Variants in TGFB2 observed in about 807,000 individuals in gnomAD.
The protein encoded by TGFB2 is transforming growth factor beta 2, also known as transforming growth factor beta-2 proprotein.
TGFB2 carries 13 observed loss-of-function variants against 42.7 expected under a neutral mutation model. The ratio of observed to expected loss-of-function variants is 0.30; its 90% CI spans 0.20 to 0.48. The LOEUF is 0.48. Ranked by LOEUF, TGFB2 falls within the 20% of genes least tolerant of loss-of-function variation. TGFB2 has a pLI of 0.99. For synonymous variants in TGFB2, 193 were observed against 193.6 expected, an observed-to-expected ratio of 1.00 and a Z score of 0.03; for missense variants, 390 against 517.5, an observed-to-expected ratio of 0.75 and a Z score of 2.39.
At chr1:218,396,508 C>CA (rs1407359608) in intron 1 of TGFB2, among the ~76,000 whole-genome samples, 1 of 151,698 alleles carries the variant, frequency 6.6e-6, no homozygotes, top group East Asian at 1.9e-4. Context: ...TGTGATCTCT[C>CA]ACAACCTTGA....
chr1:218,356,565 T>C (rs1003634430), intron 1 of TGFB2, among the ~76,000 whole-genome samples: 5 of 152,236 alleles, frequency 3.3e-5, no homozygotes, highest in Admixed American at 2.0e-4. Context: ...AAGGTTCATA[T>C]GTGTCACATA....
chr1:218,361,248 T>G (rs1657201037), intron 1 of TGFB2, among the ~76,000 whole-genome samples: 1 of 152,212 alleles, frequency 6.6e-6, no homozygotes, highest in African/African-American at 2.4e-5. Context: ...TCTTAACTTC[T>G]AAGGCATTGG....
intron 6 of TGFB2, among the ~76,000 whole-genome samples, chr1:218,438,936 G>A (rs367955348): frequency 1.6e-4 from 25 of 151,964 alleles, no homozygotes; most frequent in Admixed American, 3.9e-4. Flanking sequence ...ATGAAACCCC[G>A]TCTCTACTAA....
At chr1:218,350,364 T>C (rs1388753164) in intron 1 of TGFB2, among the ~76,000 whole-genome samples, 2 of 152,128 alleles carry the variant, frequency 1.3e-5, no homozygotes, top group African/African-American at 4.8e-5. Flanking sequence ...TGGGTTGTCA[T>C]GACTGGAGGT....
intron 1 of TGFB2, among the ~76,000 whole-genome samples, chr1:218,353,836 G>A (rs1656946706): frequency 6.6e-6 from 1 of 152,174 alleles, no homozygotes; most frequent in Admixed American, 6.5e-5. Flanking sequence ...GCTGCAGTGA[G>A]CTATGACTGC....
intron 1 of TGFB2, among the ~76,000 whole-genome samples, chr1:218,388,099 A>G (rs1414345267): frequency 6.6e-6 from 1 of 152,240 alleles, no homozygotes; most frequent in Non-Finnish European, 1.5e-5. Flanking sequence ...GGCATAGTAT[A>G]TAATTAGAGT....
intron 1 of TGFB2, among the ~76,000 whole-genome samples, chr1:218,348,994 C>G (rs902626058): frequency 6.6e-6 from 1 of 152,136 alleles, no homozygotes; most frequent in Non-Finnish European, 1.5e-5. Flanking sequence ...GATGATCCAA[C>G]CCAGGGTCAT....
Position 218,437,206 on chromosome 1 carries a change from C to A in TGFB2, c.933-137C>A. On this transcript the variant is annotated intron_variant, in intron 5 of 6. Transcript: ENST00000366930. ...TTACAATAAAGCCATTAAAACCTGG[C>A]CCATGATATTTGCTCATTAGATGTT... is the stretch of plus-strand genomic sequence containing the variant. 3 of 861,724 alleles carry A rather than the reference C, an allele frequency of 3.5e-6. No individual in the cohort carries two copies. The South Asian group carries it at 5.7e-5, about 16-fold the overall frequency. 53.4% of individuals were successfully genotyped at this position (861,724 alleles called of 1,614,324 possible).
At chr1:218,429,868 C>A (rs915447522) in intron 2 of TGFB2, among the ~76,000 whole-genome samples, 1 of 152,046 alleles carries the variant, frequency 6.6e-6, no homozygotes, top group African/African-American at 2.4e-5. Flanking sequence ...AAATGTATAT[C>A]ATTTCATGCT....
chr1:218,416,728 C>G (rs575837656), intron 2 of TGFB2, among the ~76,000 whole-genome samples: 2 of 152,276 alleles, frequency 1.3e-5, no homozygotes, highest in Admixed American at 1.3e-4. Context: ...TTGGCTGTGT[C>G]TCCACTCAAT....
At chr1:218,357,566 C>T (rs774382136) in intron 1 of TGFB2, among the ~76,000 whole-genome samples, 1 of 152,192 alleles carries the variant, frequency 6.6e-6, no homozygotes, top group Non-Finnish European at 1.5e-5. Context: ...CTCAAATGAA[C>T]GCTTGGATTT....
At chr1:218,382,120 T>G (rs1325513671) in intron 1 of TGFB2, among the ~76,000 whole-genome samples, 1 of 152,086 alleles carries the variant, frequency 6.6e-6, no homozygotes, top group Non-Finnish European at 1.5e-5. Flanking sequence ...AAAAAAAATT[T>G]TATGAAGTAT....
chr1:218,370,956 A>G (rs1657550274), intron 1 of TGFB2, among the ~76,000 whole-genome samples: 1 of 152,210 alleles, frequency 6.6e-6, no homozygotes. Flanking sequence ...ACAGTCTACC[A>G]CAGTGTAGGT....
At chr1:218,406,649 C>T (rs148243244) in intron 2 of TGFB2, among the ~76,000 whole-genome samples, 1 of 152,000 alleles carries the variant, frequency 6.6e-6, no homozygotes, top group South Asian at 2.1e-4. Flanking sequence ...TTTGATGAGG[C>T]CTTGAGACGT....
At chr1:218,355,122 C>T (rs1252029741) in intron 1 of TGFB2, among the ~76,000 whole-genome samples, 2 of 152,160 alleles carry the variant, frequency 1.3e-5, no homozygotes, top group Non-Finnish European at 1.5e-5. Context: ...AGGCTGGTCT[C>T]GAACTGATCT....
intron 1 of TGFB2, among the ~76,000 whole-genome samples, chr1:218,400,160 G>A (rs1459533489): frequency 6.6e-6 from 1 of 151,826 alleles, no homozygotes; most frequent in African/African-American, 2.4e-5. Flanking sequence ...CTTCGGCAGG[G>A]CTAGCTACAA....
rs188071470 is a variant in TGFB2 at position 218,413,297 on chromosome 1, C to T, written c.510+7965C>T. Among the ~76,000 whole-genome samples the T allele has an allele frequency of 1.6e-4, 25 of 151,580 alleles. 1 individual carries two copies. Among genetic ancestry groups the T allele is most frequent in the African/African-American group, 5.6e-4 (23 of 41,288 alleles). On this transcript the variant is annotated intron_variant, in intron 2 of 6. Transcript: ENST00000366930. The stretch of plus-strand genomic sequence containing the variant: ...CTGAGGCAGGAGAATCACTTGAACC[C>T]GAGAGGCAGAGGTTGCAGTGAGCCG...
At chr1:218,408,158 C>A (rs1658975017) in intron 2 of TGFB2, among the ~76,000 whole-genome samples, 1 of 152,182 alleles carries the variant, frequency 6.6e-6, no homozygotes, top group Admixed American at 6.5e-5. Flanking sequence ...ATGGAAGCTG[C>A]TAAGTCCCTA....
At chr1:218,358,306 A>C (rs1657102918) in intron 1 of TGFB2, among the ~76,000 whole-genome samples, 1 of 152,282 alleles carries the variant, frequency 6.6e-6, no homozygotes, top group South Asian at 2.1e-4. Context: ...TTAATTTTAA[A>C]GTTTTGGATT....
Sources: gnomAD v4.1 joint callset for allele counts (sites outside exome capture counted in the v4.1 genomes callset) on GRCh38, gnomAD v4.1.1 for gene constraint, MANE v1.5 for transcripts, NCBI Gene and HGNC (gene_info 2026-07-23, HGNC 2026-07-21) for gene names.